Variants in TRIM28 observed in about 807,000 individuals in gnomAD.
TRIM28 encodes transcription intermediary factor 1-beta.
A neutral mutation model predicts 87.4 loss-of-function variants in TRIM28; 8 were observed. That is an observed-to-expected ratio of 0.09 (90% CI 0.05 to 0.17). The LOEUF (loss-of-function observed/expected upper bound fraction) is 0.17, where lower values mean the gene tolerates loss of function less well. Ranked by LOEUF, TRIM28 falls within the 10% of genes least tolerant of loss-of-function variation. The pLI is 1.00. For missense variants in TRIM28, 968 were observed against 1,131.8 expected (o/e 0.86, Z 2.08); for synonymous variants, 601 against 454.3 (o/e 1.32, Z -4.11).
chr19:58,548,839 G>A (rs2053785885), intron 10 of TRIM28, 23 bp from the exon 11 acceptor site: 1 of 1,614,110 alleles, frequency 6.2e-7, no homozygotes, highest in Non-Finnish European at 8.5e-7. Context: ...CAACCTGCCA[G>A]TCTTCTTTCT....
Position 58,550,644 on chromosome 19 carries a change from T to A in TRIM28, c.*91T>A. The A allele has an allele frequency of 7.6e-7, 1 of 1,318,798 alleles. No individual in the cohort carries two copies. The highest frequency in any genetic ancestry group is 1.0e-6 in the Non-Finnish European group (1 of 971,180). 81.7% of individuals were successfully genotyped at this position (1,318,798 alleles called of 1,614,324 possible). A position where few individuals can be genotyped will look rare whatever the true frequency, so the allele number is the denominator to read the frequency against. ...CCCTGGTGGCCTGACTCCCACTCCC[T>A]GGTGGCCCCATCCCCCAGTTCCTCA... On this transcript the variant is annotated 3_prime_UTR_variant, in exon 17 of 17. Coordinates refer to ENST00000253024, the MANE Select transcript of TRIM28 (RefSeq NM_005762.3).
Position 58,544,914 on chromosome 19 carries a change from G to T in TRIM28, c.157G>T (p.Gly53Trp). 1.4e-6 allele frequency: 2 copies of T among 1,393,434 alleles called. No individual in the cohort carries two copies. Among genetic ancestry groups the T allele is most frequent in the Non-Finnish European group, 9.2e-7 (1 of 1,082,284 alleles). The allele number at this position is 1,393,434 out of a possible 1,614,324, so 86.3% of individuals were successfully genotyped here. Residue 53 changes from glycine (G) to tryptophan (W), a missense_variant, in exon 1 of 17, where the codon GGG becomes TGG. By Grantham distance (184) the Gly-to-Trp change is radical. Around this residue, in one of 11 missense-constraint regions of TRIM28, gnomAD observed 208 missense variants for 170.9 expected, o/e 1.22. Transcript: ENST00000253024. ...CTCAGCCGCGGCGTCGTCGCCCGCG[G>T]GGGGCGGCGCCGAGGCGCTGGAGCT... Reference protein sequence around the residue: ...SASAAASSPAGGGAEALELLE... With the variant: ...SASAAASSPAWGGAEALELLE...
In TRIM28 at chr19:58,544,833, T is replaced by C; in HGVS notation, c.76T>C (p.Ser26Pro). ...TGGCAGCCCGGGCCCGGGCGAGGGC[T>C]CCGCTGGCGGCGAAAAGCGCTCCAC... ...ASGSPGPGEG[S>P]AGGEKRSTAP... Residue 26 changes from serine to proline, a missense_variant, in exon 1 of 17, where the codon TCC becomes CCC. Physicochemically the swap from Ser to Pro is moderately conservative, Grantham distance 74. This residue lies in a region of TRIM28 where 208 missense variants were observed against 170.9 expected (regional missense o/e 1.22). Coordinates refer to ENST00000253024, the MANE Select transcript of TRIM28 (RefSeq NM_005762.3). The C allele has an allele frequency of 2.4e-6, 3 of 1,275,940 alleles. No homozygotes were observed. Among genetic ancestry groups the C allele is most frequent in the Non-Finnish European group, 2.0e-6 (2 of 1,011,532 alleles). 79.0% of individuals were successfully genotyped at this position (1,275,940 alleles called of 1,614,324 possible).
Position 58,549,091 on chromosome 19 carries a change from G to C in TRIM28, c.1513G>C (p.Val505Leu). 1 of 1,614,124 alleles carries C rather than the reference G, an allele frequency of 6.2e-7. No individual in the cohort carries two copies. Among genetic ancestry groups the C allele is most frequent in the Non-Finnish European group, 8.5e-7 (1 of 1,180,012 alleles). Residue 505 changes from valine (V) to leucine (L), a missense_variant, in exon 12 of 17, where the codon GTC becomes CTC. By Grantham distance (32) the Val-to-Leu change is conservative. Coordinates refer to ENST00000253024, the MANE Select transcript of TRIM28 (RefSeq NM_005762.3). The surrounding 1 kb of genome is among the most constrained non-coding windows in gnomAD (Gnocchi z 4.4). ...LDLTADSQPP[V>L]FKVFPGSTTE... ...CCTCACAGCTGACAGCCAGCCACCC[G>C]TCTTCAAGGTCTTCCCAGGCAGTAC...
rs542184671 is a variant in TRIM28 at position 58,550,123 on chromosome 19, T to C, written c.2194-24T>C. ...GCATGTATATGTGTGTCTTTGTGTG[T>C]GTATGTGTGATCTCTGCCTGCAGGA... On this transcript the variant is annotated intron_variant, in intron 15 of 16. Transcript: ENST00000253024. The C allele has an allele frequency of 1.9e-6, 3 of 1,613,694 alleles. No homozygotes were observed. The Admixed American group carries it at 5.0e-5, about 27-fold the overall frequency.
chr19:58,544,840 G>A lies in TRIM28; in HGVS notation c.83G>A (p.Gly28Asp). 2 of 1,281,830 alleles carry A rather than the reference G, an allele frequency of 1.6e-6. No individual in the cohort carries two copies. Among genetic ancestry groups the A allele is most frequent in the East Asian group, 3.2e-5 (1 of 30,928 alleles). The allele number at this position is 1,281,830 out of a possible 1,614,324, so 79.4% of individuals were successfully genotyped here. A position where few individuals can be genotyped will look rare whatever the true frequency, so the allele number is the denominator to read the frequency against. The change falls in exon 1 of 17, where the codon GGC (glycine) becomes GAC (aspartate). Residue 28 changes from glycine to aspartate, a missense_variant. By Grantham distance (94) the Gly-to-Asp change is moderately conservative. Transcript: ENST00000253024. ...CCGGGCCCGGGCGAGGGCTCCGCTG[G>A]CGGCGAAAAGCGCTCCACCGCCCCT... is the stretch of plus-strand genomic sequence containing the variant. ...GSPGPGEGSAGGEKRSTAPSA... is the reference protein window; with the variant it reads ...GSPGPGEGSADGEKRSTAPSA...
chr19:58,548,570 A>T lies in TRIM28; in HGVS notation c.1301A>T (p.Lys434Met), dbSNP rs747015535. The change falls in exon 9 of 17, where the codon AAG becomes ATG. Residue 434 changes from lysine to methionine, a missense_variant. Physicochemically the swap from Lys to Met is moderately conservative, Grantham distance 95. This residue lies in a region of TRIM28 where 119 missense variants were observed against 93.6 expected (regional missense o/e 1.27). Coordinates refer to ENST00000253024, the MANE Select transcript of TRIM28 (RefSeq NM_005762.3). ...APPRAPGPLS[K>M]QGSGSSQPME... is the part of the protein sequence containing the mutation. ...CCAAGAGCCCCAGGGCCCCTGAGCA[A>T]GCAGGGCTCTGGCAGCAGCCAGGTG... is the stretch of plus-strand genomic sequence containing the variant. 10 of 1,612,754 alleles carry T rather than the reference A, an allele frequency of 6.2e-6. No individual in the cohort carries two copies. Among genetic ancestry groups the T allele is most frequent in the Non-Finnish European group, 6.8e-6 (8 of 1,179,536 alleles).
At chr19:58,545,208 G>A in intron 1 of TRIM28, 111 bp downstream of exon 1, 1 of 1,083,362 alleles carries the variant, frequency 9.2e-7, no homozygotes, top group Non-Finnish European at 1.3e-6. Context: ...CCCGGACAGG[G>A]CACGGGAAAT....
Position 58,547,579 on chromosome 19 carries a change from A to G in TRIM28, c.723-18A>G. ...CTTCCGTAGCTTAGTGCTCAGGAAC[A>G]CATCTGTCTGCTCTCAGGTACCAGT... is the stretch of plus-strand genomic sequence containing the variant. On this transcript the variant is annotated intron_variant, in intron 4 of 16. Transcript: ENST00000253024. 2 of 1,613,848 alleles carry G rather than the reference A, an allele frequency of 1.2e-6. No homozygotes were observed. The highest frequency in any genetic ancestry group is 1.3e-5 in the African/African-American group (1 of 75,038).
chr19:58,548,474 T>C lies in TRIM28; in HGVS notation c.1217-12T>C. On this transcript the variant is annotated splice_polypyrimidine_tract_variant and intron_variant, in intron 8 of 16. Coordinates refer to ENST00000253024, the MANE Select transcript of TRIM28 (RefSeq NM_005762.3). ...TGCTGCACCTACTTACGTTTCTCTC[T>C]TCTTTTTGCAGGCAAGATTGTGGCA... 6.2e-7 allele frequency: 1 copy of C among 1,614,104 alleles called. No homozygotes were observed. Among genetic ancestry groups the C allele is most frequent in the African/African-American group, 1.3e-5 (1 of 75,044 alleles).
rs1167859942 is a variant in TRIM28 at position 58,547,720 on chromosome 19, G to C, written c.839+7G>C. The stretch of plus-strand genomic sequence containing the variant: ...CCAAGGAGGTTCGCAGCTCGTAAGT[G>C]TGGGTTCTGGGGCTGTGGGGGTGGC... On this transcript the variant is annotated splice_region_variant and intron_variant, in intron 5 of 16. Transcript: ENST00000253024. 6.2e-7 allele frequency: 1 copy of C among 1,614,116 alleles called. No homozygotes were observed.
chr19:58,548,445 C>A, intron 8 of TRIM28, 37 bp downstream of exon 8: 1 of 1,613,938 alleles, frequency 6.2e-7, no homozygotes, highest in Non-Finnish European at 8.5e-7. Flanking sequence ...GTTATTACCC[C>A]ACGTGCTGCA....
intron 9 of TRIM28, 30 bp from the exon 10 acceptor site, chr19:58,548,710 C>T (rs1266954548): frequency 6.2e-7 from 1 of 1,612,732 alleles, no homozygotes; most frequent in African/African-American, 1.3e-5. Flanking sequence ...TCCTGTCCCA[C>T]TGAGGCAGAG....
rs762998351 is a variant in TRIM28, at chr19:58,548,850, C to T, written c.1361-12C>T. 5.0e-6 allele frequency: 8 copies of T among 1,614,058 alleles called. No individual in the cohort carries two copies. Among genetic ancestry groups the T allele is most frequent in the Non-Finnish European group, 6.8e-6 (8 of 1,180,010 alleles). On this transcript the variant is annotated splice_polypyrimidine_tract_variant and intron_variant, in intron 10 of 16. Transcript: ENST00000253024. ...ACCCCAACCTGCCAGTCTTCTTTCT[C>T]CATTTTCTAAGGAGATGATCCCTAC...
Position 58,545,784 on chromosome 19 carries a change from T to C in TRIM28, c.474T>C (p.Asp158=), listed in dbSNP as rs1317556262. The C allele has an allele frequency of 1.2e-6, 2 of 1,611,044 alleles. No individual in the cohort carries two copies. The highest frequency in any genetic ancestry group is 1.7e-6 in the Non-Finnish European group (2 of 1,178,464). The change falls in exon 3 of 17, where the codon GAT becomes GAC. Residue 158 remains aspartate, a synonymous_variant. Transcript: ENST00000253024. ...GGCAGTGCTGCACTAGCTGTGAGGA[T>C]AATGCCCCAGCCACCAGCTACTGTG... is the stretch of plus-strand genomic sequence containing the variant. ...DANQCCTSCE[D]NAPATSYCVE...
In TRIM28 at chr19:58,544,816, C is replaced by A; in HGVS notation, c.59C>A (p.Pro20Gln). The A allele has an allele frequency of 8.0e-7, 1 of 1,248,170 alleles. No homozygotes were observed. Among genetic ancestry groups the A allele is most frequent in the Non-Finnish European group, 1.0e-6 (1 of 995,660 alleles). The allele number at this position is 1,248,170 out of a possible 1,614,324, so 77.3% of individuals were successfully genotyped here. Residue 20 changes from proline to glutamine, a missense_variant, in exon 1 of 17, where the codon CCG becomes CAG. Pro to Gln is a moderately conservative substitution (Grantham distance 76). Around this residue, in one of 11 missense-constraint regions of TRIM28, gnomAD observed 208 missense variants for 170.9 expected, o/e 1.22. Transcript: ENST00000253024. ...GCGGCCTCGGCCGCCTCTGGCAGCCCGGGCCCGGGCGAGGGCTCCGCTGGC... is the reference window on the plus strand; with the variant it reads ...GCGGCCTCGGCCGCCTCTGGCAGCCAGGGCCCGGGCGAGGGCTCCGCTGGC... Reference protein sequence around the residue: ...AAAASAASGSPGPGEGSAGGE... With the variant: ...AAAASAASGSQGPGEGSAGGE...
chr19:58,546,777 T>C (rs1209856521), intron 3 of TRIM28, among the ~76,000 whole-genome samples: 1 of 151,928 alleles, frequency 6.6e-6, no homozygotes, highest in African/African-American at 2.4e-5. Flanking sequence ...TATTAATGGG[T>C]TGGTCTTTGG....
chr19:58,550,503 G>C lies in TRIM28; in HGVS notation c.2458G>C (p.Ala820Pro). ...VEPPPMSLPG[A>P]GLSSQELSGG... Reference sequence around the variant, plus strand: ...GCCCCCGCCGATGAGCCTGCCTGGTGCTGGCCTGAGTTCCCAGGAGCTGTC... The same window carrying C: ...GCCCCCGCCGATGAGCCTGCCTGGTCCTGGCCTGAGTTCCCAGGAGCTGTC... Residue 820 changes from alanine to proline, a missense_variant, in exon 17 of 17, where the codon GCT (alanine) becomes CCT (proline). Physicochemically the swap from Ala to Pro is conservative, Grantham distance 27. Coordinates refer to ENST00000253024, the MANE Select transcript of TRIM28 (RefSeq NM_005762.3). The C allele has an allele frequency of 2.5e-6, 4 of 1,612,482 alleles. No individual in the cohort carries two copies. The highest frequency in any genetic ancestry group is 1.1e-5 in the South Asian group (1 of 91,074).
At position 58,544,961 on chromosome 19, in the gene TRIM28, C is replaced by T. The variant is rs2053747182; in HGVS notation, c.204C>T (p.Cys68=). ...ALELLEHCGV[C]RERLRPEREP... ...AGCTGCTGGAGCACTGCGGCGTGTGCAGAGAGCGCCTGCGACCCGAGAGGG... is the reference window on the plus strand; with the variant it reads ...AGCTGCTGGAGCACTGCGGCGTGTGTAGAGAGCGCCTGCGACCCGAGAGGG... Residue 68 remains cysteine, a synonymous_variant, in exon 1 of 17, where the codon TGC becomes TGT. Coordinates refer to ENST00000253024, the MANE Select transcript of TRIM28 (RefSeq NM_005762.3). The T allele has an allele frequency of 6.6e-7, 1 of 1,510,696 alleles. No homozygotes were observed. The highest frequency in any genetic ancestry group is 2.6e-5 in the East Asian group (1 of 37,750). 93.6% of individuals were successfully genotyped at this position (1,510,696 alleles called of 1,614,324 possible).
Sources: gnomAD v4.1 joint callset for allele counts (sites outside exome capture counted in the v4.1 genomes callset) on GRCh38, gnomAD v4.1.1 for gene constraint, gnomAD v4.1.1 regional missense constraint, Gnocchi (gnomAD v3.1) non-coding constraint, MANE v1.5 for transcripts, NCBI Gene and HGNC (gene_info 2026-07-23, HGNC 2026-07-21) for gene names.